The following NOS1AP variants were observed in gnomAD, a reference collection of about 807,000 sequenced individuals.
NOS1AP encodes the protein nitric oxide synthase 1 adaptor protein.
Under a neutral mutation model 56.2 loss-of-function variants are expected in NOS1AP, and 21 were observed. The observed-to-expected ratio is 0.37, with a 90% CI of 0.26 to 0.54. The LOEUF (loss-of-function observed/expected upper bound fraction) is 0.54. Among genes scored for constraint, NOS1AP ranks in the 20% least tolerant of loss-of-function variants. The probability of loss-of-function intolerance (pLI) is 0.84; values close to 1 mark genes in which losing one functional copy is unlikely to be tolerated. For missense variants in NOS1AP, 522 were observed against 657.8 expected (o/e 0.79, Z 2.26); for synonymous variants, 270 against 274.6 (o/e 0.98, Z 0.17).
intron 2 of NOS1AP, among the ~76,000 whole-genome samples, chr1:162,250,069 G>A (rs1653799252): frequency 6.6e-6 from 1 of 152,216 alleles, no homozygotes; most frequent in South Asian, 2.1e-4. Context: ...CTGACTCTCA[G>A]AGCACTGCCT....
At position 162,344,096 on chromosome 1, in the gene NOS1AP, G is replaced by A. The variant is rs539107088; in HGVS notation, c.595+120G>A. On this transcript the variant is annotated intron_variant, in intron 6 of 9. Coordinates refer to ENST00000361897, the MANE Select transcript of NOS1AP (RefSeq NM_014697.3). ...TTTTAAGAAACATTTTATTTTTTCCGTTTCTCTCTAAATTCTAGATTCTCT... is the reference window on the plus strand; with the variant it reads ...TTTTAAGAAACATTTTATTTTTTCCATTTCTCTCTAAATTCTAGATTCTCT... 85 of 1,113,200 alleles carry A rather than the reference G, an allele frequency of 7.6e-5. 1 individual carries two copies. The highest frequency in any genetic ancestry group is 3.4e-4 in the African/African-American group (22 of 64,588). 69.0% of individuals were successfully genotyped at this position (1,113,200 alleles called of 1,614,324 possible). A position where few individuals can be genotyped will look rare whatever the true frequency, so the allele number is the denominator to read the frequency against.
intron 2 of NOS1AP, among the ~76,000 whole-genome samples, chr1:162,180,765 GA>G (rs1261093901): frequency 2.0e-5 from 3 of 152,150 alleles, no homozygotes; most frequent in African/African-American, 7.2e-5. Flanking sequence ...CTTCAGAAAG[GA>G]ACACAGCCTG....
rs137909356 is a variant in NOS1AP at position 162,297,690 on chromosome 1, G to T, written c.271-2943G>T. 1.1e-4 allele frequency among the ~76,000 whole-genome samples: 17 copies of T among 152,222 alleles called. No homozygotes were observed. The East Asian group carries it at 3.1e-3, about 28-fold the overall frequency. On this transcript the variant is annotated intron_variant, in intron 3 of 9. Coordinates refer to ENST00000361897, the MANE Select transcript of NOS1AP (RefSeq NM_014697.3). ...CATGTCTCTCAAGAGGTGGAGCCGA[G>T]GCAACTGTAGTTTAAAAAGAAAAAA...
intron 8 of NOS1AP, among the ~76,000 whole-genome samples, chr1:162,359,745 G>T (rs1039148094): frequency 5.9e-5 from 9 of 151,994 alleles, no homozygotes; most frequent in African/African-American, 2.2e-4. Flanking sequence ...TCAGTTTCCA[G>T]CACGAGGTCA....
intron 2 of NOS1AP, among the ~76,000 whole-genome samples, chr1:162,197,435 C>T (rs1191736837): frequency 2.0e-5 from 3 of 152,212 alleles, no homozygotes; most frequent in Admixed American, 6.5e-5. Flanking sequence ...CCGGGATGTA[C>T]TGGCTGCTAT....
chr1:162,289,230 TTCC>T (rs1315501416), intron 3 of NOS1AP, among the ~76,000 whole-genome samples: 7 of 20,606 alleles, frequency 3.4e-4, no homozygotes, highest in Middle Eastern at 0.019. Context: ...CCTTCCTTCC[TTCC>T]TTCCTTCCTT....
chr1:162,310,935 T>C (rs2819318), intron 4 of NOS1AP, among the ~76,000 whole-genome samples: 85,232 of 151,664 alleles, frequency 0.56, 24,091 homozygotes, highest in South Asian at 0.6. Context: ...TTCTTCAGCA[T>C]CTTGAGCTGT....
intron 2 of NOS1AP, among the ~76,000 whole-genome samples, chr1:162,199,638 GTGTC>G (rs771058197): frequency 7.8e-5 from 9 of 115,956 alleles, no homozygotes; most frequent in Non-Finnish European, 1.6e-4. Context: ...GTGTGTGTGT[GTGTC>G]TGTGTGTAAA....
chr1:162,273,305 A>G (rs1339517462), intron 2 of NOS1AP, among the ~76,000 whole-genome samples: 1 of 151,694 alleles, frequency 6.6e-6, no homozygotes, highest in Admixed American at 6.6e-5. Context: ...CTGGGACTAC[A>G]GGCGCCCGCC....
intron 2 of NOS1AP, among the ~76,000 whole-genome samples, chr1:162,239,601 C>T (rs772822556): frequency 1.3e-4 from 20 of 152,124 alleles, no homozygotes; most frequent in Non-Finnish European, 2.4e-4. Context: ...TGCTGTATGC[C>T]AAGTGCTGGG....
chr1:162,347,242 G>A (rs1008237717), intron 6 of NOS1AP, among the ~76,000 whole-genome samples: 18 of 152,208 alleles, frequency 1.2e-4, no homozygotes, highest in South Asian at 2.1e-4. Context: ...CCCATGCCCC[G>A]TTGGTGGCCT....
Position 162,304,780 on chromosome 1 carries a change from CTGTG to C in NOS1AP, c.344+4102_344+4105del, listed in dbSNP as rs3055849. Among the ~76,000 whole-genome samples the C allele has an allele frequency of 6.7e-3, 980 of 146,178 alleles. 12 individuals are homozygous for C. Among genetic ancestry groups the C allele is most frequent in the African/African-American group, 0.023 (905 of 39,680 alleles). ...TCTGTGTACATGTGAATTTTTATATCTGTGTGTGTGTGTGTGTGTGTGTGTGTGT... is the reference window on the plus strand; with the variant it reads ...TCTGTGTACATGTGAATTTTTATATCTGTGTGTGTGTGTGTGTGTGTGTGT... On this transcript the variant is annotated intron_variant, in intron 4 of 9. Transcript: ENST00000361897.
At position 162,331,076 on chromosome 1, in the gene NOS1AP, A is replaced by G. The variant is rs145191406; in HGVS notation, c.345-1941A>G. On this transcript the variant is annotated intron_variant, in intron 4 of 9. Coordinates refer to ENST00000361897, the MANE Select transcript of NOS1AP (RefSeq NM_014697.3). ...ACCATTCAGGAGGAGATGTCCAGGA[A>G]GGTTGGCTGAATGGGCCTGGAACTC... 2.6e-5 allele frequency among the ~76,000 whole-genome samples: 4 copies of G among 152,296 alleles called. No homozygotes were observed. The East Asian group carries it at 5.8e-4, about 22-fold the overall frequency.
chr1:162,170,878 G>A (rs769985934), intron 2 of NOS1AP, among the ~76,000 whole-genome samples: 114 of 151,922 alleles, frequency 7.5e-4, no homozygotes, highest in Non-Finnish European at 1.4e-3. Flanking sequence ...GGCGGAGGTT[G>A]CAGTGAGCTG....
At chr1:162,345,013 A>C (rs1657238377) in intron 6 of NOS1AP, among the ~76,000 whole-genome samples, 1 of 152,188 alleles carries the variant, frequency 6.6e-6, no homozygotes, top group African/African-American at 2.4e-5. Flanking sequence ...CACAATAAAA[A>C]TGTGTTTGTT....
At chr1:162,223,276 GTTTGT>G (rs1421539046) in intron 2 of NOS1AP, among the ~76,000 whole-genome samples, 1 of 152,152 alleles carries the variant, frequency 6.6e-6, no homozygotes, top group Non-Finnish European at 1.5e-5. Flanking sequence ...ACTTCTGTGA[GTTTGT>G]TTTGTTTTAT....
chr1:162,341,097 T>C (rs946468562), intron 5 of NOS1AP, among the ~76,000 whole-genome samples: 4 of 152,204 alleles, frequency 2.6e-5, no homozygotes, highest in African/African-American at 9.6e-5. Flanking sequence ...ATCTGAGGGA[T>C]TCCTTCCAAA....
At chr1:162,150,950 A>C (rs909143604) in intron 1 of NOS1AP, among the ~76,000 whole-genome samples, 1 of 152,166 alleles carries the variant, frequency 6.6e-6, no homozygotes, top group African/African-American at 2.4e-5. Context: ...GCTGTGCAGA[A>C]ACTTTTTCAA....
At chr1:162,304,643 T>C (rs1473660247) in intron 4 of NOS1AP, among the ~76,000 whole-genome samples, 1 of 152,192 alleles carries the variant, frequency 6.6e-6, no homozygotes, top group Non-Finnish European at 1.5e-5. Flanking sequence ...GATGTCTTTC[T>C]AGTCTATCAA....
Sources: gnomAD v4.1 joint callset for allele counts (sites outside exome capture counted in the v4.1 genomes callset) on GRCh38, gnomAD v4.1.1 for gene constraint, MANE v1.5 for transcripts, NCBI Gene and HGNC (gene_info 2026-07-23, HGNC 2026-07-21) for gene names.